Variants in MAN1A1 observed in about 807,000 individuals in gnomAD.
MAN1A1 encodes mannosyl-oligosaccharide 1,2-alpha-mannosidase IA.
A neutral mutation model predicts 70.8 loss-of-function variants in MAN1A1; 29 were observed. That is an observed-to-expected ratio of 0.41 (90% CI 0.31 to 0.56). MAN1A1 has a LOEUF of 0.56. MAN1A1 is among the 20% of genes least tolerant of loss of function. The pLI is 0.29. For synonymous variants in MAN1A1, 349 were observed against 330.1 expected (o/e 1.06, Z -0.62); for missense variants, 747 against 841.3 (o/e 0.89, Z 1.39).
rs142633217 is a variant in MAN1A1, at chr6:119,325,670, G to A, written c.604-18678C>T. Among the ~76,000 whole-genome samples the A allele has an allele frequency of 1.8e-3, 280 of 152,064 alleles. 1 individual carries two copies. Among genetic ancestry groups the A allele is most frequent in the African/African-American group, 6.5e-3 (270 of 41,476 alleles). On this transcript the variant is annotated intron_variant, in intron 2 of 12. Transcript: ENST00000368468. ...TCCGTCGCCGGGGGCAGGGGGATGT[G>A]GATTTTCAGTAGTCTTACAACACTG...
intron 11 of MAN1A1, among the ~76,000 whole-genome samples, chr6:119,182,727 T>A (rs532079376): frequency 6.6e-6 from 1 of 152,218 alleles, no homozygotes; most frequent in South Asian, 2.1e-4. Flanking sequence ...AATAATAAAG[T>A]TTAAGACTAA....
chr6:119,204,943 A>C, intron 6 of MAN1A1, 61 bp from the exon 7 acceptor site: 1 of 1,561,256 alleles, frequency 6.4e-7, no homozygotes. Context: ...TCACTATCTA[A>C]ATAGCAGACA....
At chr6:119,208,812 T>A (rs1320932566) in intron 6 of MAN1A1, among the ~76,000 whole-genome samples, 3 of 152,150 alleles carry the variant, frequency 2.0e-5, no homozygotes, top group Non-Finnish European at 4.4e-5. Context: ...AAGGTACAGG[T>A]TGCTGTGTGT....
rs1233996783 is a variant in MAN1A1 at position 119,332,905 on chromosome 6, C to T, written c.603+15558G>A. 2.6e-5 allele frequency among the ~76,000 whole-genome samples: 4 copies of T among 151,950 alleles called. No individual in the cohort carries two copies. The East Asian group carries it at 5.8e-4, about 22-fold the overall frequency. ...CTTGGTATATACCAGTGGAAGACTC[C>T]GGGCTGCATAACACACAACAGACAC... is the stretch of plus-strand genomic sequence containing the variant. On this transcript the variant is annotated intron_variant, in intron 2 of 12. Transcript: ENST00000368468.
At chr6:119,334,293 C>T (rs1346327558) in intron 2 of MAN1A1, among the ~76,000 whole-genome samples, 3 of 152,174 alleles carry the variant, frequency 2.0e-5, no homozygotes, top group Admixed American at 6.5e-5. Flanking sequence ...CAAATATCCT[C>T]GTGCCCAACA....
chr6:119,186,365 G>A (rs748130673), intron 11 of MAN1A1, among the ~76,000 whole-genome samples: 17 of 152,224 alleles, frequency 1.1e-4, no homozygotes, highest in Non-Finnish European at 2.1e-4. Flanking sequence ...AGGGTTGGAC[G>A]CAGGATGCAG....
intron 4 of MAN1A1, 65 bp downstream of exon 4, chr6:119,301,923 A>G: frequency 1.2e-6 from 1 of 820,932 alleles, no homozygotes; most frequent in South Asian, 1.5e-5. Context: ...AATAGGGCCC[A>G]CTACAGAATT....
intron 2 of MAN1A1, among the ~76,000 whole-genome samples, chr6:119,322,707 A>T (rs1582803074): frequency 6.6e-6 from 1 of 152,206 alleles, no homozygotes; most frequent in South Asian, 2.1e-4. Flanking sequence ...CTAATTATTG[A>T]TGAAGACACT....
intron 5 of MAN1A1, among the ~76,000 whole-genome samples, chr6:119,252,521 C>T (rs952988469): frequency 6.6e-5 from 10 of 152,088 alleles, no homozygotes; most frequent in Non-Finnish European, 1.0e-4. Flanking sequence ...TGGCTGGGCA[C>T]GGGGGCTCAT....
chr6:119,229,222 AAAAAAAC>A (rs906637904), intron 6 of MAN1A1, among the ~76,000 whole-genome samples: 4 of 151,994 alleles, frequency 2.6e-5, no homozygotes, highest in African/African-American at 9.7e-5. Context: ...GACAAAAAAA[AAAAAAAC>A]AAAAAATGCA....
At chr6:119,275,359 T>G (rs1776030432) in intron 5 of MAN1A1, among the ~76,000 whole-genome samples, 1 of 111,806 alleles carries the variant, frequency 8.9e-6, no homozygotes, top group South Asian at 3.7e-4. Flanking sequence ...CAGGCTGGAG[T>G]GCAGTGGCGG....
chr6:119,328,255 G>A (rs1331843900), intron 2 of MAN1A1, among the ~76,000 whole-genome samples: 1 of 152,156 alleles, frequency 6.6e-6, no homozygotes, highest in Non-Finnish European at 1.5e-5. Context: ...TTAGAAACCC[G>A]GTCTTCAAAC....
chr6:119,294,903 T>C (rs1772156919), intron 4 of MAN1A1, among the ~76,000 whole-genome samples: 1 of 152,126 alleles, frequency 6.6e-6, no homozygotes, highest in South Asian at 2.1e-4. Flanking sequence ...TCTATTATTG[T>C]CTTGGGTGTT....
In MAN1A1 at chr6:119,338,340, A is replaced by G. The variant is rs538830393; in HGVS notation, c.603+10123T>C. ...ATTTGAAGGATTTAGGGTGGAAAAA[A>G]AAAAGCCCAAACTTCACACACAAAA... On this transcript the variant is annotated intron_variant, in intron 2 of 12. Transcript: ENST00000368468. Among the ~76,000 whole-genome samples the G allele has an allele frequency of 1.3e-5, 2 of 152,078 alleles. 1 individual carries two copies. The highest frequency in any genetic ancestry group is 4.8e-5 in the African/African-American group (2 of 41,438).
chr6:119,276,290 G>T (rs2142885), intron 5 of MAN1A1, among the ~76,000 whole-genome samples: 72,387 of 151,964 alleles, frequency 0.48, 17,673 homozygotes, highest in East Asian at 0.74. Flanking sequence ...CATCTAAAAT[G>T]ATCCTGTGAA....
chr6:119,258,008 C>T (rs1041107038), intron 5 of MAN1A1, among the ~76,000 whole-genome samples: 7 of 152,070 alleles, frequency 4.6e-5, no homozygotes, highest in Non-Finnish European at 2.9e-5. Context: ...TCTGAAAATA[C>T]ATTTCACATC....
At chr6:119,197,175 G>A (rs572386311) in intron 8 of MAN1A1, among the ~76,000 whole-genome samples, 155 of 152,088 alleles carry the variant, frequency 1.0e-3, no homozygotes, top group African/African-American at 3.6e-3. Flanking sequence ...CTGGTGTAGG[G>A]GCGGGCACCT....
At chr6:119,277,950 A>T (rs1215506637) in intron 5 of MAN1A1, among the ~76,000 whole-genome samples, 2 of 136,448 alleles carry the variant, frequency 1.5e-5, no homozygotes, top group Non-Finnish European at 3.2e-5. Context: ...AAAAAAAAAA[A>T]AAAAAAAAGT....
chr6:119,220,738 G>C (rs988299382), intron 6 of MAN1A1, among the ~76,000 whole-genome samples: 6 of 152,162 alleles, frequency 3.9e-5, no homozygotes, highest in Non-Finnish European at 8.8e-5. Flanking sequence ...TGTGTGCTCT[G>C]CTTTTTTCAG....
Sources: allele counts gnomAD v4.1 joint callset (sites outside exome capture counted in the v4.1 genomes callset), GRCh38; gene constraint gnomAD v4.1.1; transcripts MANE v1.5; gene names NCBI Gene and HGNC (gene_info 2026-07-23, HGNC 2026-07-21).